The following VAV3 variants were observed in gnomAD, a reference collection of about 807,000 sequenced individuals.
VAV3 encodes vav guanine nucleotide exchange factor 3, also known as guanine nucleotide exchange factor VAV3.
A neutral mutation model predicts 131.2 loss-of-function variants in VAV3; 94 were observed. The ratio of observed to expected loss-of-function variants is 0.72; its 90% CI spans 0.61 to 0.85. The LOEUF is 0.85. Among genes scored for constraint, VAV3 ranks in the 40% least tolerant of loss-of-function variants. The probability of loss-of-function intolerance (pLI) is 0.00; values close to 1 mark genes in which losing one functional copy is unlikely to be tolerated. For synonymous variants in VAV3, 349 were observed against 342.0 expected (o/e 1.02, Z -0.22); for missense variants, 939 against 1,002.7 (o/e 0.94, Z 0.86).
chr1:107,761,847 T>C (rs1378557007), intron 9 of VAV3, among the ~76,000 whole-genome samples: 2 of 152,212 alleles, frequency 1.3e-5, no homozygotes, highest in East Asian at 3.8e-4. Flanking sequence ...TATTTGACTT[T>C]AAAACTTTGC....
At chr1:107,955,739 A>G (rs1361727585) in intron 1 of VAV3, among the ~76,000 whole-genome samples, 1 of 152,176 alleles carries the variant, frequency 6.6e-6, no homozygotes, top group East Asian at 1.9e-4. Flanking sequence ...AGAAACTGCA[A>G]GAAGGTCAGG....
intron 20 of VAV3, among the ~76,000 whole-genome samples, chr1:107,632,336 C>T (rs1056706809): frequency 4.6e-5 from 7 of 152,162 alleles, no homozygotes; most frequent in Admixed American, 4.6e-4. Flanking sequence ...CAAAGCTCCC[C>T]AGGTGATTCA....
At chr1:107,767,708 T>A (rs1329815796) in intron 7 of VAV3, among the ~76,000 whole-genome samples, 3 of 152,190 alleles carry the variant, frequency 2.0e-5, no homozygotes, top group Non-Finnish European at 4.4e-5. Context: ...TATGTGTACA[T>A]GCGTGCATGG....
chr1:107,690,340 G>T (rs531825055), intron 17 of VAV3, among the ~76,000 whole-genome samples: 30 of 152,238 alleles, frequency 2.0e-4, no homozygotes, highest in African/African-American at 6.3e-4. Context: ...ATTTACGGTG[G>T]TCAAGTAGCT....
intron 6 of VAV3, among the ~76,000 whole-genome samples, chr1:107,769,277 C>T (rs778252427): frequency 1.3e-5 from 2 of 152,046 alleles, no homozygotes; most frequent in Admixed American, 6.6e-5. Flanking sequence ...AAAACAAACA[C>T]CCTGATCAAG....
intron 1 of VAV3, among the ~76,000 whole-genome samples, chr1:107,894,746 T>G (rs1557907793): frequency 6.6e-6 from 1 of 152,228 alleles, no homozygotes; most frequent in Non-Finnish European, 1.5e-5. Flanking sequence ...TCAAACTGTT[T>G]GCTCACTATA....
rs541414353 is a variant in VAV3, at chr1:107,766,765, G to A, written c.718-215C>T. Among the ~76,000 whole-genome samples, 3 of 151,986 alleles carry A rather than the reference G, an allele frequency of 2.0e-5. No homozygotes were observed. In the South Asian group the frequency reaches 6.2e-4, roughly 32 times the overall value. On this transcript the variant is annotated intron_variant, in intron 7 of 26. Coordinates refer to ENST00000370056, the MANE Select transcript of VAV3 (RefSeq NM_006113.5). ...GGAAGCAGCGGGAGAGGACAGGGTA[G>A]AAGAGGAGGAGGGAGAGCAGGGGAA...
intron 1 of VAV3, among the ~76,000 whole-genome samples, chr1:107,912,924 C>T (rs886720298): frequency 2.0e-5 from 3 of 152,208 alleles, no homozygotes; most frequent in Non-Finnish European, 4.4e-5. Flanking sequence ...CCACTTGGTA[C>T]AGTGGTCATA....
rs567523435 is a variant in VAV3, at chr1:107,770,934, T to TA, written c.556-207dup. Among the ~76,000 whole-genome samples the TA allele has an allele frequency of 1.8e-4, 28 of 152,278 alleles. No homozygotes were observed. In the South Asian group the frequency reaches 5.6e-3, roughly 30 times the overall value. Reference sequence around the variant, plus strand: ...ATGTAATGACAAAGATTTAGATGATTAAAAAATAAGCCTCTGAATGTAGAC... The same window carrying TA: ...ATGTAATGACAAAGATTTAGATGATTAAAAAAATAAGCCTCTGAATGTAGAC... On this transcript the variant is annotated intron_variant, in intron 5 of 26. Transcript: ENST00000370056.
chr1:107,829,241 C>T (rs12059578), intron 2 of VAV3, among the ~76,000 whole-genome samples: 3 of 152,132 alleles, frequency 2.0e-5, no homozygotes, highest in Non-Finnish European at 4.4e-5. Context: ...TACTACAGCA[C>T]TATTGTATTT....
intron 15 of VAV3, among the ~76,000 whole-genome samples, chr1:107,708,361 C>T (rs1182916408): frequency 6.6e-6 from 1 of 152,146 alleles, no homozygotes; most frequent in African/African-American, 2.4e-5. Context: ...TAAAGAATTC[C>T]ATTTTAGTAA....
chr1:107,692,749 G>C (rs1246755870), intron 17 of VAV3, among the ~76,000 whole-genome samples: 1 of 152,138 alleles, frequency 6.6e-6, no homozygotes, highest in Admixed American at 6.6e-5. Context: ...AGCAGCAGCT[G>C]GCCTAGATAA....
chr1:107,847,647 C>T (rs962979893), intron 2 of VAV3, among the ~76,000 whole-genome samples: 17 of 152,096 alleles, frequency 1.1e-4, no homozygotes, highest in African/African-American at 3.4e-4. Flanking sequence ...AACACCTCTA[C>T]GCAAATAAAC....
At chr1:107,773,686 T>C (rs185047873) in intron 4 of VAV3, among the ~76,000 whole-genome samples, 2 of 152,218 alleles carry the variant, frequency 1.3e-5, no homozygotes, top group East Asian at 3.9e-4. Flanking sequence ...ACCAGGGAGA[T>C]GGTGATCCAT....
chr1:107,668,633 C>G, intron 19 of VAV3: 1 of 985,320 alleles, frequency 1.0e-6, no homozygotes, highest in South Asian at 4.7e-5. Flanking sequence ...AGCAAACCAT[C>G]AACTTTTTCC....
At chr1:107,650,122 G>C (rs931517586) in intron 19 of VAV3, among the ~76,000 whole-genome samples, 109 of 152,054 alleles carry the variant, frequency 7.2e-4, no homozygotes, top group African/African-American at 2.4e-3. Context: ...TCTGAAACTG[G>C]AAAGAACTTG....
intron 1 of VAV3, among the ~76,000 whole-genome samples, chr1:107,879,728 C>T (rs1670678458): frequency 6.6e-6 from 1 of 151,708 alleles, no homozygotes; most frequent in South Asian, 2.1e-4. Flanking sequence ...AAAAATTGTA[C>T]AACTTTGCTA....
intron 1 of VAV3, among the ~76,000 whole-genome samples, chr1:107,928,352 G>A (rs1192132589): frequency 6.6e-6 from 1 of 152,180 alleles, no homozygotes; most frequent in Admixed American, 6.5e-5. Context: ...CCCAGCCACA[G>A]ACAAACATCC....
chr1:107,876,787 C>T (rs1428636066), intron 1 of VAV3, among the ~76,000 whole-genome samples: 2 of 152,136 alleles, frequency 1.3e-5, no homozygotes, highest in Middle Eastern at 3.4e-3. Context: ...TAAATAGATG[C>T]ATTTTATTAT....
Sources: gnomAD v4.1 joint callset for allele counts (sites outside exome capture counted in the v4.1 genomes callset) on GRCh38, gnomAD v4.1.1 for gene constraint, MANE v1.5 for transcripts, NCBI Gene and HGNC (gene_info 2026-07-23, HGNC 2026-07-21) for gene names.